The following HS1BP3 variants were observed in gnomAD, a reference collection of about 807,000 sequenced individuals.
The protein encoded by HS1BP3 is HCLS1-binding protein 3.
In HS1BP3, 32 loss-of-function variants were observed where a neutral mutation model predicts 33.5. The observed-to-expected ratio is 0.95, with a 90% CI of 0.72 to 1.28. HS1BP3 has a LOEUF of 1.28. Ranked by LOEUF, HS1BP3 falls within the 50% of genes most tolerant of loss-of-function variation. HS1BP3 has a pLI of 0.00. For synonymous variants in HS1BP3, 187 were observed against 209.2 expected (o/e 0.89, Z 0.92); for missense variants, 486 against 502.3 (o/e 0.97, Z 0.31).
At chr2:20,595,156 C>T (rs1391574368) in intron 3 of HS1BP3, among the ~76,000 whole-genome samples, 1 of 152,148 alleles carries the variant, frequency 6.6e-6, no homozygotes, top group Non-Finnish European at 1.5e-5. Context: ...GACATGGCCT[C>T]AGTTTCCCAG....
At chr2:20,575,298 G>A (rs1693372373) in intron 5 of HS1BP3, among the ~76,000 whole-genome samples, 1 of 152,212 alleles carries the variant, frequency 6.6e-6, no homozygotes, top group Non-Finnish European at 1.5e-5. Flanking sequence ...CCGCAGCCTG[G>A]ACAGGCAGGG....
intron 1 of HS1BP3, among the ~76,000 whole-genome samples, chr2:20,647,420 G>A (rs987585269): frequency 2.0e-5 from 3 of 152,210 alleles, no homozygotes; most frequent in African/African-American, 7.2e-5. Context: ...CATGCAGCCT[G>A]GTCCCATTGA....
chr2:20,619,038 C>T lies in HS1BP3; in HGVS notation c.1128G>A (p.Gln376=), dbSNP rs1231136407. ...IQAMDEMDIL[Q]YIQDHDTPAQ... ...CTGGTGTATCGTGGTCCTGGATGTACTGCAAGATGTCCATCTCGTCCATGG... is the reference window on the plus strand; with the variant it reads ...CTGGTGTATCGTGGTCCTGGATGTATTGCAAGATGTCCATCTCGTCCATGG... The change falls in exon 7 of 7, where the codon CAG becomes CAA. Residue 376 remains glutamine (Q), a synonymous_variant. Transcript: ENST00000304031. 3.1e-6 allele frequency: 5 copies of T among 1,614,064 alleles called. No homozygotes were observed. The highest frequency in any genetic ancestry group is 4.2e-6 in the Non-Finnish European group (5 of 1,180,032).
chr2:20,641,555 T>A (rs1382687057), intron 2 of HS1BP3, among the ~76,000 whole-genome samples: 1 of 152,226 alleles, frequency 6.6e-6, no homozygotes. Context: ...GCAGGTCATC[T>A]TCCTGCAACA....
At chr2:20,580,057 A>G (rs997698500) in intron 5 of HS1BP3, among the ~76,000 whole-genome samples, 1 of 152,280 alleles carries the variant, frequency 6.6e-6, no homozygotes, top group Admixed American at 6.5e-5. Context: ...TCATACCCAC[A>G]GTCTACCCAC....
chr2:20,623,988 G>T lies in HS1BP3; in HGVS notation c.828C>A (p.Pro276=). ...CTGGCAGCAGGAGGGAGTCACCCAG[G>T]GGGATGGCCCCGCCGAGGTCAGGAT... is the stretch of plus-strand genomic sequence containing the variant. The part of the protein sequence containing the change: ...FDDPDLGGAI[P]LGDSLLLPAA... Residue 276 remains proline, a synonymous_variant, in exon 6 of 7, where the codon CCC becomes CCA. Transcript: ENST00000304031. The T allele has an allele frequency of 6.2e-7, 1 of 1,612,326 alleles. No individual in the cohort carries two copies. The highest frequency in any genetic ancestry group is 8.5e-7 in the Non-Finnish European group (1 of 1,179,618).
At chr2:20,555,604 T>A (rs1692823075), downstream of HS1BP3, among the ~76,000 whole-genome samples, 1 of 152,076 alleles carries the variant, frequency 6.6e-6, no homozygotes. Flanking sequence ...AACAGAGCCT[T>A]TGGGTTTACA....
intron 4 of HS1BP3, among the ~76,000 whole-genome samples, chr2:20,629,481 T>C (rs1278275187): frequency 6.6e-6 from 1 of 152,206 alleles, no homozygotes; most frequent in Non-Finnish European, 1.5e-5. Flanking sequence ...CAGCTGGTCA[T>C]GATTAGAATC....
intron 3 of HS1BP3, among the ~76,000 whole-genome samples, chr2:20,639,506 C>T (rs561450695): frequency 3.3e-5 from 5 of 152,318 alleles, no homozygotes; most frequent in Admixed American, 6.5e-5. Flanking sequence ...AAACAACTGA[C>T]TTTTAATAAA....
chr2:20,572,988 G>A (rs1250322303), intron 5 of HS1BP3, among the ~76,000 whole-genome samples: 1 of 152,194 alleles, frequency 6.6e-6, no homozygotes, highest in Non-Finnish European at 1.5e-5. Flanking sequence ...GCAACATAGA[G>A]AATGTGGTAG....
At chr2:20,575,673 C>T (rs945496713) in intron 5 of HS1BP3, among the ~76,000 whole-genome samples, 2 of 152,362 alleles carry the variant, frequency 1.3e-5, no homozygotes, top group East Asian at 1.9e-4. Context: ...CCTCAAGGCC[C>T]GGCATTCCTT....
At chr2:20,582,712 G>A (rs1419916482) in intron 5 of HS1BP3, among the ~76,000 whole-genome samples, 1 of 152,128 alleles carries the variant, frequency 6.6e-6, no homozygotes, top group Non-Finnish European at 1.5e-5. Flanking sequence ...GGCACTGTAT[G>A]TCCCAACTGA....
chr2:20,603,657 T>C (rs906071782), intron 2 of HS1BP3, among the ~76,000 whole-genome samples: 1 of 152,214 alleles, frequency 6.6e-6, no homozygotes, highest in South Asian at 2.1e-4. Context: ...ATAAAATTGA[T>C]TGTGGTAGTA....
chr2:20,569,914 T>A (rs913335911), intron 5 of HS1BP3, among the ~76,000 whole-genome samples: 2 of 152,146 alleles, frequency 1.3e-5, no homozygotes, highest in African/African-American at 4.8e-5. Context: ...CCCCCAACAG[T>A]CTCCCTCCCT....
chr2:20,603,228 A>G (rs1466512867), intron 2 of HS1BP3, among the ~76,000 whole-genome samples: 1 of 152,256 alleles, frequency 6.6e-6, no homozygotes, highest in Non-Finnish European at 1.5e-5. Context: ...ACTGTTAGGT[A>G]TATGTCCAAG....
intron 1 of HS1BP3, among the ~76,000 whole-genome samples, chr2:20,648,127 CCT>C (rs1422741698): frequency 2.0e-5 from 3 of 152,218 alleles, no homozygotes; most frequent in Non-Finnish European, 4.4e-5. Context: ...GCAGCTCACC[CCT>C]CTTTTTCGCA....
At chr2:20,558,998 C>T (rs1487380191), downstream of HS1BP3, among the ~76,000 whole-genome samples, 2 of 152,172 alleles carry the variant, frequency 1.3e-5, no homozygotes, top group African/African-American at 2.4e-5. Context: ...CTGGGCTGGC[C>T]GCAGAGCAGG....
At chr2:20,621,426 G>A (rs1375278474) in intron 6 of HS1BP3, among the ~76,000 whole-genome samples, 1 of 152,258 alleles carries the variant, frequency 6.6e-6, no homozygotes, top group Non-Finnish European at 1.5e-5. Flanking sequence ...GCCCAAGCCG[G>A]GCCTTCATAG....
At chr2:20,598,707 C>T (rs1195404411) in intron 2 of HS1BP3, among the ~76,000 whole-genome samples, 1 of 150,862 alleles carries the variant, frequency 6.6e-6, no homozygotes, top group South Asian at 2.1e-4. Flanking sequence ...TACAGGCGCC[C>T]GCCACTACGC....
Sources: gnomAD v4.1 joint callset for allele counts (sites outside exome capture counted in the v4.1 genomes callset) on GRCh38, gnomAD v4.1.1 for gene constraint, MANE v1.5 for transcripts, NCBI Gene and HGNC (gene_info 2026-07-23, HGNC 2026-07-21) for gene names.